The following PCDHGA10 variants were observed in gnomAD, a reference collection of about 807,000 sequenced individuals.
The protein encoded by PCDHGA10 is protocadherin gamma subfamily A, 10.
Under a neutral mutation model 59.5 loss-of-function variants are expected in PCDHGA10, and 42 were observed. The observed-to-expected ratio is 0.71, with a 90% CI of 0.55 to 0.91. PCDHGA10 has a LOEUF of 0.91. PCDHGA10 is among the 40% of genes least tolerant of loss of function. The probability of loss-of-function intolerance (pLI) is 0.00; values close to 1 mark genes in which losing one functional copy is unlikely to be tolerated. For missense variants in PCDHGA10, 1,111 were observed against 1,198.2 expected, an observed-to-expected ratio of 0.93 and a Z score of 1.07; for synonymous variants, 511 against 517.2, an observed-to-expected ratio of 0.99 and a Z score of 0.16.
rs779191558 is a variant in PCDHGA10 at position 141,491,465 on chromosome 5, A to G, written c.2437-3342A>G. On this transcript the variant is annotated intron_variant, in intron 1 of 3. Coordinates refer to ENST00000398610, the MANE Select transcript of PCDHGA10 (RefSeq NM_018913.3). This position sits in a 1 kb window ranked among gnomAD's most constrained non-coding sequence, Gnocchi z 6.9. The stretch of plus-strand genomic sequence containing the variant: ...CAGGACTCACCCTCCCCGGACTTCT[A>G]TAAGCAGTCCAGCCCCAACCTGCAG... 1.2e-6 allele frequency: 2 copies of G among 1,613,974 alleles called. No homozygotes were observed. The highest frequency in any genetic ancestry group is 1.1e-5 in the South Asian group (1 of 91,084).
rs1429860093 is a variant in PCDHGA10, at chr5:141,487,828, C to A, written c.2437-6979C>A. 3 of 1,184,120 alleles carry A rather than the reference C, an allele frequency of 2.5e-6. No individual in the cohort carries two copies. The highest frequency in any genetic ancestry group is 1.5e-5 in the African/African-American group (1 of 64,540). The allele number at this position is 1,184,120 out of a possible 1,614,324, so 73.4% of individuals were successfully genotyped here. A position where few individuals can be genotyped will look rare whatever the true frequency, so the allele number is the denominator to read the frequency against. ...AGTTTAGCATTGGGGGCGGGTCATG[C>A]CTATATCTGAGTAAGAAATGAAAGT... On this transcript the variant is annotated intron_variant, in intron 1 of 3. Coordinates refer to ENST00000398610, the MANE Select transcript of PCDHGA10 (RefSeq NM_018913.3). The surrounding 1 kb of genome is among the most constrained non-coding windows in gnomAD (Gnocchi z 5.0).
At position 141,413,793 on chromosome 5, in the gene PCDHGA10, C is replaced by G; in HGVS notation, c.618C>G (p.Arg206=). 1 of 1,613,106 alleles carries G rather than the reference C, an allele frequency of 6.2e-7. No homozygotes were observed. The highest frequency in any genetic ancestry group is 1.1e-5 in the South Asian group (1 of 91,076). ...PELVLEHSLD[R]EEEAIHHLVL... is the part of the protein sequence containing the mutation. ...TGGTACTGGAGCACTCCCTAGATCG[C>G]GAGGAAGAGGCCATTCACCACCTGG... is the stretch of plus-strand genomic sequence containing the variant. The change falls in exon 1 of 4, where the codon CGC becomes CGG. Residue 206 remains arginine, a synonymous_variant. Coordinates refer to ENST00000398610, the MANE Select transcript of PCDHGA10 (RefSeq NM_018913.3).
chr5:141,422,205 A>G (rs758255761), intron 1 of PCDHGA10: 2 of 1,562,218 alleles, frequency 1.3e-6, no homozygotes, highest in Non-Finnish European at 1.7e-6. Flanking sequence ...AAGATGGTGG[A>G]GGTCTCTTTA....
rs145484670 is a variant in PCDHGA10 at position 141,469,912 on chromosome 5, C to T, written c.2437-24895C>T. Among the ~76,000 whole-genome samples, 674 of 152,288 alleles carry T rather than the reference C, an allele frequency of 4.4e-3. 6 individuals are homozygous for T. The highest frequency in any genetic ancestry group is 0.015 in the African/African-American group (642 of 41,562). On this transcript the variant is annotated intron_variant, in intron 1 of 3. Transcript: ENST00000398610. ...TTGGGAAGCCGAGGCAGGCAGACCA[C>T]CCGAGGTCAGGAGTTTGAGACCAGC...
rs771804151 is a variant in PCDHGA10, at chr5:141,486,704, A to G, written c.2437-8103A>G. On this transcript the variant is annotated intron_variant, in intron 1 of 3. Coordinates refer to ENST00000398610, the MANE Select transcript of PCDHGA10 (RefSeq NM_018913.3). The surrounding 1 kb of genome is among the most constrained non-coding windows in gnomAD (Gnocchi z 5.0). ...ATCAGCTTCCTCTTTCATCTCTCTG[A>G]ACCCCCAGACAGGAGCTGTTCATGC... 2.2e-5 allele frequency: 35 copies of G among 1,614,016 alleles called. No homozygotes were observed. Among genetic ancestry groups the G allele is most frequent in the Non-Finnish European group, 2.7e-5 (32 of 1,180,032 alleles).
chr5:141,427,723 G>A, intron 1 of PCDHGA10: 1 of 1,127,490 alleles, frequency 8.9e-7, no homozygotes, highest in Non-Finnish European at 1.3e-6. Context: ...CTGGACCTAG[G>A]GCTGAATGGC....
At chr5:141,450,995 T>G (rs983544118) in intron 1 of PCDHGA10, among the ~76,000 whole-genome samples, 3 of 151,510 alleles carry the variant, frequency 2.0e-5, no homozygotes, top group Non-Finnish European at 4.4e-5. Context: ...CGGCTAATTT[T>G]TTTGTATTTT....
Position 141,491,608 on chromosome 5 carries a change from C to T in PCDHGA10, c.2437-3199C>T. On this transcript the variant is annotated intron_variant, in intron 1 of 3. Transcript: ENST00000398610. This position sits in a 1 kb window ranked among gnomAD's most constrained non-coding sequence, Gnocchi z 6.9. Reference sequence around the variant, plus strand: ...CTCGGACGGCAGTGACTTCACTTTTCTAAGACCCCTCAGCGTTCAGCAGCC... The same window carrying T: ...CTCGGACGGCAGTGACTTCACTTTTTTAAGACCCCTCAGCGTTCAGCAGCC... 6.2e-7 allele frequency: 1 copy of T among 1,613,942 alleles called. No individual in the cohort carries two copies. The highest frequency in any genetic ancestry group is 1.1e-5 in the South Asian group (1 of 91,086).
At chr5:141,470,034 C>T (rs1209263598) in intron 1 of PCDHGA10, among the ~76,000 whole-genome samples, 2 of 152,086 alleles carry the variant, frequency 1.3e-5, no homozygotes, top group Non-Finnish European at 2.9e-5. Flanking sequence ...GATGCTGAGG[C>T]GCGAGAACTG....
At chr5:141,497,956 C>T (rs2099780659) in intron 2 of PCDHGA10, among the ~76,000 whole-genome samples, 1 of 152,214 alleles carries the variant, frequency 6.6e-6, no homozygotes, top group African/African-American at 2.4e-5. Flanking sequence ...TTCTGTTGGC[C>T]AGGCAGTGTT....
At chr5:141,417,937 C>T (rs571233315) in intron 1 of PCDHGA10, 2 of 1,612,530 alleles carry the variant, frequency 1.2e-6, no homozygotes, top group South Asian at 1.1e-5. Context: ...CTTTGTTCTA[C>T]CCCACGCTGT....
chr5:141,490,061 A>G lies in PCDHGA10; in HGVS notation c.2437-4746A>G, dbSNP rs1562135413. On this transcript the variant is annotated intron_variant, in intron 1 of 3. Transcript: ENST00000398610. This position sits in a 1 kb window ranked among gnomAD's most constrained non-coding sequence, Gnocchi z 5.4. Reference sequence around the variant, plus strand: ...GCCACTGATCCAGACGAGGGCACCAACGGCCAACTAGACTATTCTTTTGGA... The same window carrying G: ...GCCACTGATCCAGACGAGGGCACCAGCGGCCAACTAGACTATTCTTTTGGA... 1.2e-6 allele frequency: 2 copies of G among 1,614,214 alleles called. No individual in the cohort carries two copies. Among genetic ancestry groups the G allele is most frequent in the East Asian group, 2.2e-5 (1 of 44,884 alleles).
At chr5:141,418,520 C>T (rs766042374) in intron 1 of PCDHGA10, 3 of 1,613,936 alleles carry the variant, frequency 1.9e-6, no homozygotes, top group Non-Finnish European at 2.5e-6. Flanking sequence ...TGGGGACCCT[C>T]CCCGAAGCGG....
intron 1 of PCDHGA10, chr5:141,419,244 C>T (rs2096349736): frequency 1.2e-6 from 2 of 1,614,008 alleles, no homozygotes; most frequent in Non-Finnish European, 1.7e-6. Context: ...GTCCACGTGC[C>T]AGAAAACAAC....
chr5:141,428,856 G>A (rs1195849417), intron 1 of PCDHGA10: 4 of 143,808 alleles, frequency 2.8e-5, no homozygotes, highest in Admixed American at 1.4e-4. Flanking sequence ...ATTTTTACGG[G>A]AGACTTTTTT....
chr5:141,421,235 A>G (rs1375447356), intron 1 of PCDHGA10: 3 of 1,594,470 alleles, frequency 1.9e-6, no homozygotes, highest in East Asian at 2.2e-5. Context: ...GCCATGGCGA[A>G]TCGGCTACAG....
Position 141,415,126 on chromosome 5 carries a change from C to T in PCDHGA10, c.1951C>T (p.Gln651Ter). Residue 651 changes from glutamine to a stop codon, truncating the protein, a stop_gained, in exon 1 of 4, where the codon CAG becomes TAG. Coordinates refer to ENST00000398610, the MANE Select transcript of PCDHGA10 (RefSeq NM_018913.3). LOFTEE classifies it high-confidence loss of function. The stretch of plus-strand genomic sequence containing the variant: ...CAAGCAAAGCCTCGTAGTGGCCGTC[C>T]AGGACCACGGCCAGCCCCCTCTCTC... Reference protein sequence around the residue: ...ALKQSLVVAVQDHGQPPLSAT... With the variant: ...ALKQSLVVAV The T allele has an allele frequency of 6.2e-7, 1 of 1,613,688 alleles. No individual in the cohort carries two copies. Among genetic ancestry groups the T allele is most frequent in the Non-Finnish European group, 8.5e-7 (1 of 1,180,012 alleles).
At chr5:141,502,621 A>G (rs918589202) in intron 2 of PCDHGA10, among the ~76,000 whole-genome samples, 3 of 152,162 alleles carry the variant, frequency 2.0e-5, no homozygotes, top group African/African-American at 7.2e-5. Context: ...AAATATAAGT[A>G]ATCTGTGGAT....
chr5:141,454,567 C>G (rs572130062), intron 1 of PCDHGA10, among the ~76,000 whole-genome samples: 1 of 150,856 alleles, frequency 6.6e-6, no homozygotes, highest in Non-Finnish European at 1.5e-5. Flanking sequence ...CCACCACGCC[C>G]GGCTAATTTT....
Sources: gnomAD v4.1 joint callset for allele counts (sites outside exome capture counted in the v4.1 genomes callset) on GRCh38, gnomAD v4.1.1 for gene constraint, Gnocchi (gnomAD v3.1) non-coding constraint, MANE v1.5 for transcripts, NCBI Gene and HGNC (gene_info 2026-07-23, HGNC 2026-07-21) for gene names.